The following ARHGEF38 variants were observed in gnomAD, a reference collection of about 807,000 sequenced individuals.
ARHGEF38 encodes Rho guanine nucleotide exchange factor (GEF) 38.
A neutral mutation model predicts 79.9 loss-of-function variants in ARHGEF38; 79 were observed. That is an observed-to-expected ratio of 0.99 (90% confidence interval 0.82 to 1.19). The LOEUF (loss-of-function observed/expected upper bound fraction) is 1.19. Ranked by LOEUF, ARHGEF38 falls within the 50% of genes most tolerant of loss-of-function variation. The pLI is 0.00. For missense variants in ARHGEF38, 962 were observed against 907.2 expected, an observed-to-expected ratio of 1.06 and a Z score of -0.78; for synonymous variants, 366 against 328.3, an observed-to-expected ratio of 1.11 and a Z score of -1.24.
intron 1 of ARHGEF38, among the ~76,000 whole-genome samples, chr4:105,558,851 C>A (rs1725378796): frequency 6.8e-6 from 1 of 146,646 alleles, no homozygotes; most frequent in Non-Finnish European, 1.5e-5. Flanking sequence ...ATGGGTTTAT[C>A]AAAATGAGAC....
intron 7 of ARHGEF38, among the ~76,000 whole-genome samples, chr4:105,649,957 A>C (rs1028299907): frequency 1.3e-5 from 2 of 152,236 alleles, no homozygotes; most frequent in African/African-American, 4.8e-5. Context: ...ATTCAATGTA[A>C]TCATCTGTAA....
intron 1 of ARHGEF38, among the ~76,000 whole-genome samples, chr4:105,588,000 CTGAAGT>C (rs1727140122): frequency 6.6e-6 from 1 of 152,178 alleles, no homozygotes; most frequent in Non-Finnish European, 1.5e-5. Context: ...GCCTTAAATG[CTGAAGT>C]TAGTGGACCA....
rs567429675 is a variant in ARHGEF38 at position 105,613,111 on chromosome 4, C to T, written c.385-273C>T. 3.3e-5 allele frequency among the ~76,000 whole-genome samples: 5 copies of T among 152,118 alleles called. No homozygotes were observed. In the East Asian group the frequency reaches 7.7e-4, roughly 23 times the overall value. ...GAGGGCAGTTAATACCAATTAGGCC[C>T]AAATCTTCCCATTCTGGTTCTTATA... On this transcript the variant is annotated intron_variant, in intron 2 of 13. Transcript: ENST00000420470.
intron 1 of ARHGEF38, among the ~76,000 whole-genome samples, chr4:105,577,824 T>C (rs533714607): frequency 6.6e-6 from 1 of 152,288 alleles, no homozygotes; most frequent in African/African-American, 2.4e-5. Context: ...CTCTCTTTTC[T>C]TGGTTAATCT....
At chr4:105,665,265 C>T (rs576329080) in intron 10 of ARHGEF38, among the ~76,000 whole-genome samples, 8 of 151,916 alleles carry the variant, frequency 5.3e-5, no homozygotes, top group Non-Finnish European at 8.8e-5. Flanking sequence ...GAGGCCGAGG[C>T]GGGCGGATCA....
chr4:105,678,040 C>A lies in ARHGEF38; in HGVS notation c.*103C>A. ...GACCAGAAAGCAAGAAACCTCTGAA[C>A]TACAGAAACTGATACTGTACTGGGT... On this transcript the variant is annotated 3_prime_UTR_variant, in exon 14 of 14. Coordinates refer to ENST00000420470, the MANE Select transcript of ARHGEF38 (RefSeq NM_001242729.2). 2.1e-6 allele frequency: 2 copies of A among 936,040 alleles called. No individual in the cohort carries two copies. The highest frequency in any genetic ancestry group is 2.0e-5 in the South Asian group (1 of 49,936). 58.0% of individuals were successfully genotyped at this position (936,040 alleles called of 1,614,324 possible).
intron 2 of ARHGEF38, among the ~76,000 whole-genome samples, chr4:105,604,277 G>A (rs1727948555): frequency 6.6e-6 from 1 of 152,130 alleles, no homozygotes; most frequent in Admixed American, 6.6e-5. Flanking sequence ...GAATTACAGT[G>A]GTCAAGTGAT....
chr4:105,664,754 C>T (rs1461537611), intron 10 of ARHGEF38, among the ~76,000 whole-genome samples: 7 of 152,228 alleles, frequency 4.6e-5, no homozygotes, highest in Non-Finnish European at 1.5e-5. Context: ...TGGGGTACAA[C>T]AACATCTAGG....
chr4:105,657,737 T>A (rs1730397685), intron 9 of ARHGEF38, among the ~76,000 whole-genome samples: 1 of 152,178 alleles, frequency 6.6e-6, no homozygotes. Flanking sequence ...ATATTGACTA[T>A]CTCATAAGCT....
In ARHGEF38 at chr4:105,552,816, G is replaced by T. The variant is rs762338044; in HGVS notation, c.51G>T (p.Lys17Asn). 5.0e-6 allele frequency: 8 copies of T among 1,612,902 alleles called. No individual in the cohort carries two copies. The highest frequency in any genetic ancestry group is 4.4e-5 in the South Asian group (4 of 90,728). ...TGKENMVTKK[K>N]NLAFLRSRLY... Reference sequence around the variant, plus strand: ...AAGAAAACATGGTCACCAAGAAAAAGAATCTGGCCTTCTTGAGGTCTAGAC... The same window carrying T: ...AAGAAAACATGGTCACCAAGAAAAATAATCTGGCCTTCTTGAGGTCTAGAC... The change falls in exon 1 of 14, where the codon AAG becomes AAT. Residue 17 changes from lysine (K) to asparagine (N), a missense_variant. Transcript: ENST00000420470.
intron 3 of ARHGEF38, 80 bp downstream of exon 3, chr4:105,613,587 T>G: frequency 6.6e-7 from 1 of 1,510,404 alleles, no homozygotes; most frequent in South Asian, 1.2e-5. Context: ...TGGTTTTTTG[T>G]TCCTGACTCA....
At chr4:105,645,915 A>C (rs1376547311) in intron 6 of ARHGEF38, among the ~76,000 whole-genome samples, 1 of 152,246 alleles carries the variant, frequency 6.6e-6, no homozygotes, top group African/African-American at 2.4e-5. Flanking sequence ...AATTATTGTT[A>C]ACTATTTGTA....
intron 6 of ARHGEF38, among the ~76,000 whole-genome samples, chr4:105,646,687 T>G (rs1729855511): frequency 6.6e-6 from 1 of 152,288 alleles, no homozygotes; most frequent in South Asian, 2.1e-4. Flanking sequence ...CTAGCATTGT[T>G]CATAAATGCA....
Position 105,619,147 on chromosome 4 carries a change from A to G in ARHGEF38, c.508+5640A>G, listed in dbSNP as rs1728634180. Among the ~76,000 whole-genome samples the G allele has an allele frequency of 2.0e-5, 3 of 152,224 alleles. No individual in the cohort carries two copies. The South Asian group carries it at 6.2e-4, about 32-fold the overall frequency. ...ATGGGGCCATATTTGAAAAAGAATC[A>G]GTTGGAGTCTCATTTTAATATCCTT... On this transcript the variant is annotated intron_variant, in intron 3 of 13. Coordinates refer to ENST00000420470, the MANE Select transcript of ARHGEF38 (RefSeq NM_001242729.2).
At chr4:105,567,482 AAAG>A (rs1280929179) in intron 1 of ARHGEF38, among the ~76,000 whole-genome samples, 1 of 152,232 alleles carries the variant, frequency 6.6e-6, no homozygotes, top group Non-Finnish European at 1.5e-5. Flanking sequence ...ATATAATTAC[AAAG>A]AAGTACAACT....
chr4:105,614,838 G>T (rs761723136), intron 3 of ARHGEF38, among the ~76,000 whole-genome samples: 34 of 152,134 alleles, frequency 2.2e-4, no homozygotes, highest in Admixed American at 1.3e-4. Context: ...GGTATCAAAA[G>T]GTGAAAGGGC....
chr4:105,610,840 A>G (rs924142369), intron 2 of ARHGEF38, among the ~76,000 whole-genome samples: 1 of 152,094 alleles, frequency 6.6e-6, no homozygotes, highest in Non-Finnish European at 1.5e-5. Flanking sequence ...ATGGATTCAT[A>G]ATCTAAATTA....
intron 1 of ARHGEF38, among the ~76,000 whole-genome samples, chr4:105,583,822 G>C (rs910320353): frequency 6.6e-6 from 1 of 152,038 alleles, no homozygotes; most frequent in African/African-American, 2.4e-5. Flanking sequence ...AAATCCATAT[G>C]AGAGCCAGTT....
chr4:105,615,603 T>C (rs996843998), intron 3 of ARHGEF38, among the ~76,000 whole-genome samples: 6 of 152,220 alleles, frequency 3.9e-5, no homozygotes, highest in African/African-American at 1.4e-4. Flanking sequence ...CAGTCCACTT[T>C]AGCATTTGTC....
Sources: gnomAD v4.1 joint callset for allele counts (sites outside exome capture counted in the v4.1 genomes callset) on GRCh38, gnomAD v4.1.1 for gene constraint, MANE v1.5 for transcripts, NCBI Gene and HGNC (gene_info 2026-07-23, HGNC 2026-07-21) for gene names.